The following WWOX variants were observed in gnomAD, a reference collection of about 807,000 sequenced individuals.
WWOX encodes the protein WW domain-containing oxidoreductase.
Under a neutral mutation model 46.2 loss-of-function variants are expected in WWOX, and 69 were observed. That is an observed-to-expected ratio of 1.49 (90% CI 1.23 to 1.82). The LOEUF is 1.82. WWOX is among the 40% of genes most tolerant of loss of function. The pLI, the probability that WWOX is intolerant of heterozygous loss-of-function variation, is 0.00. For missense variants in WWOX, 919 were observed against 542.6 expected, an observed-to-expected ratio of 1.69 and a Z score of -6.89; for synonymous variants, 359 against 202.6, an observed-to-expected ratio of 1.77 and a Z score of -6.56.
intron 8 of WWOX, among the ~76,000 whole-genome samples, chr16:78,956,548 G>A (rs1490230901): frequency 3.3e-5 from 5 of 152,102 alleles, no homozygotes; most frequent in Non-Finnish European, 7.4e-5. Flanking sequence ...TATATATTCT[G>A]TGGGTTTTCA....
At chr16:78,568,280 G>T (rs891187115) in intron 8 of WWOX, among the ~76,000 whole-genome samples, 25 of 151,812 alleles carry the variant, frequency 1.6e-4, no homozygotes, top group Non-Finnish European at 3.2e-4. Context: ...AGATGAGGGA[G>T]GAAAATGGTT....
At chr16:78,727,269 A>G (rs187131370) in intron 8 of WWOX, among the ~76,000 whole-genome samples, 1 of 152,268 alleles carries the variant, frequency 6.6e-6, no homozygotes, top group Non-Finnish European at 1.5e-5. Flanking sequence ...TTTGGTGACA[A>G]ACGCATGTAA....
At chr16:79,130,982 A>G (rs997145254) in intron 8 of WWOX, among the ~76,000 whole-genome samples, 5 of 152,246 alleles carry the variant, frequency 3.3e-5, no homozygotes, top group South Asian at 2.1e-4. Context: ...GTGGGATATC[A>G]TAAAAAGAAC....
At chr16:78,334,549 C>A (rs947204736) in intron 5 of WWOX, among the ~76,000 whole-genome samples, 1 of 152,174 alleles carries the variant, frequency 6.6e-6, no homozygotes, top group Admixed American at 6.5e-5. Context: ...TTCCAGCCAT[C>A]ATTCTGTTCA....
At chr16:78,875,099 C>A (rs533113255) in intron 8 of WWOX, among the ~76,000 whole-genome samples, 1 of 152,222 alleles carries the variant, frequency 6.6e-6, no homozygotes, top group African/African-American at 2.4e-5. Flanking sequence ...CCAGCAGACT[C>A]GGTGGATTCT....
At chr16:79,208,910 A>G (rs531733030) in intron 8 of WWOX, among the ~76,000 whole-genome samples, 47 of 152,242 alleles carry the variant, frequency 3.1e-4, no homozygotes, top group Admixed American at 7.9e-4. Flanking sequence ...TTAATTGTCC[A>G]GCAAGGGAGG....
At chr16:78,113,436 A>G (rs555708864) in intron 3 of WWOX, among the ~76,000 whole-genome samples, 1 of 152,336 alleles carries the variant, frequency 6.6e-6, no homozygotes, top group South Asian at 2.1e-4. Context: ...TATACAAGTG[A>G]TGGGCGTTGT....
intron 8 of WWOX, among the ~76,000 whole-genome samples, chr16:78,999,197 G>C (rs911479530): frequency 1.3e-5 from 2 of 151,820 alleles, no homozygotes; most frequent in Non-Finnish European, 2.9e-5. Flanking sequence ...TCAGCCAGGG[G>C]CAGCGGGTCA....
At chr16:78,599,749 A>C (rs143547432) in intron 8 of WWOX, among the ~76,000 whole-genome samples, 172 of 152,074 alleles carry the variant, frequency 1.1e-3, no homozygotes, top group African/African-American at 4.0e-3. Flanking sequence ...GAGAATTGTT[A>C]CCCCCGGGAG....
intron 8 of WWOX, among the ~76,000 whole-genome samples, chr16:78,800,051 C>T (rs2050845993): frequency 1.3e-5 from 2 of 152,160 alleles, no homozygotes; most frequent in South Asian, 4.1e-4. Context: ...ACTTGGGTTT[C>T]ATCAAGCACA....
At chr16:78,702,047 AAT>A (rs1395666268) in intron 8 of WWOX, among the ~76,000 whole-genome samples, 1 of 123,844 alleles carries the variant, frequency 8.1e-6, no homozygotes, top group African/African-American at 3.3e-5. Context: ...ATATATATAA[AAT>A]AATGCAGAAG....
chr16:78,103,152 G>C (rs1040693360), intron 1 of WWOX, among the ~76,000 whole-genome samples: 1 of 151,978 alleles, frequency 6.6e-6, no homozygotes, highest in African/African-American at 2.4e-5. Flanking sequence ...CTGGCCAGGG[G>C]ACTCGGGTGC....
At chr16:79,100,912 C>T (rs2049178888) in intron 8 of WWOX, among the ~76,000 whole-genome samples, 1 of 151,720 alleles carries the variant, frequency 6.6e-6, no homozygotes. Flanking sequence ...GTATGTTGCA[C>T]CCAACGGGGT....
intron 8 of WWOX, among the ~76,000 whole-genome samples, chr16:78,626,120 C>T (rs1015397853): frequency 6.6e-6 from 1 of 151,526 alleles, no homozygotes; most frequent in Non-Finnish European, 1.5e-5. Context: ...ATCCAGGATA[C>T]CACTTTTATT....
At chr16:78,941,361 C>T (rs938580871) in intron 8 of WWOX, among the ~76,000 whole-genome samples, 5 of 152,146 alleles carry the variant, frequency 3.3e-5, no homozygotes, top group Non-Finnish European at 5.9e-5. Context: ...CAAGTTTCCC[C>T]GCCTTGGAAG....
At chr16:78,384,560 T>A in intron 5 of WWOX, among the ~76,000 whole-genome samples, 1 of 152,136 alleles carries the variant, frequency 6.6e-6, no homozygotes, top group Admixed American at 6.5e-5. Flanking sequence ...TGGTGGCAGT[T>A]GCCCTCTTTA....
chr16:78,666,720 G>A lies in WWOX; in HGVS notation c.1056+233968G>A, dbSNP rs561456686. On this transcript the variant is annotated intron_variant, in intron 8 of 8. Transcript: ENST00000566780. Reference sequence around the variant, plus strand: ...ATTAATTCAGGGGGGATTTACATCAGTTCCATCTGCCTCTTTCCTAATGGG... The same window carrying A: ...ATTAATTCAGGGGGGATTTACATCAATTCCATCTGCCTCTTTCCTAATGGG... Among the ~76,000 whole-genome samples the A allele has an allele frequency of 2.0e-5, 3 of 152,308 alleles. No homozygotes were observed. The East Asian group carries it at 5.8e-4, about 29-fold the overall frequency.
At chr16:78,848,386 G>T (rs1005530798) in intron 8 of WWOX, among the ~76,000 whole-genome samples, 2 of 152,144 alleles carry the variant, frequency 1.3e-5, no homozygotes, top group Non-Finnish European at 2.9e-5. Flanking sequence ...GTTGGAACTT[G>T]GCTTTTGGAC....
intron 8 of WWOX, among the ~76,000 whole-genome samples, chr16:78,781,761 C>T (rs370974707): frequency 5.9e-5 from 9 of 151,986 alleles, no homozygotes; most frequent in South Asian, 2.1e-4. Flanking sequence ...GGCAACAGAG[C>T]GAGGCTCCAT....
Sources: gnomAD v4.1 joint callset for allele counts (sites outside exome capture counted in the v4.1 genomes callset) on GRCh38, gnomAD v4.1.1 for gene constraint, MANE v1.5 for transcripts, NCBI Gene and HGNC (gene_info 2026-07-23, HGNC 2026-07-21) for gene names.